CTIF: variants seen among roughly 807,000 people sequenced by gnomAD.
CTIF encodes CBP80/20-dependent translation initiation factor.
In CTIF, 21 loss-of-function variants were observed where a neutral mutation model predicts 66.0. That is an observed-to-expected ratio of 0.32 (90% confidence interval 0.23 to 0.46). CTIF has a LOEUF of 0.46. Among genes scored for constraint, CTIF ranks in the 20% least tolerant of loss-of-function variants. The pLI is 1.00. For missense variants in CTIF, 739 were observed against 812.7 expected (o/e 0.91, Z 1.10); for synonymous variants, 345 against 326.4 (o/e 1.06, Z -0.62).
chr18:48,663,664 GC>G, intron 3 of CTIF, 87 bp from the exon 4 acceptor site: 5 of 1,236,030 alleles, frequency 4.0e-6, no homozygotes, highest in East Asian at 2.3e-5. Flanking sequence ...GCTCACTCCA[GC>G]CCCCCAGCCC....
intron 9 of CTIF, among the ~76,000 whole-genome samples, chr18:48,796,893 G>A (rs1159945187): frequency 6.6e-6 from 1 of 152,210 alleles, no homozygotes; most frequent in Non-Finnish European, 1.5e-5. Flanking sequence ...CTGGGCTGGA[G>A]ATCTACAGTT....
intron 7 of CTIF, among the ~76,000 whole-genome samples, chr18:48,733,888 G>C (rs939910466): frequency 6.6e-6 from 1 of 152,198 alleles, no homozygotes; most frequent in African/African-American, 2.4e-5. Flanking sequence ...CAGTCTCTCA[G>C]GGCTGTCTCA....
At chr18:48,658,538 G>A (rs1021131143) in intron 3 of CTIF, among the ~76,000 whole-genome samples, 10 of 152,016 alleles carry the variant, frequency 6.6e-5, no homozygotes, top group Admixed American at 1.3e-4. Flanking sequence ...TGGTGTGTAC[G>A]TGTGTATATG....
In CTIF at chr18:48,574,371, C is replaced by T. The variant is rs559658778; in HGVS notation, c.-29+35059C>T. 5.6e-4 allele frequency among the ~76,000 whole-genome samples: 86 copies of T among 152,328 alleles called. 1 individual carries two copies. In the South Asian group the frequency reaches 0.018, roughly 32 times the overall value. On this transcript the variant is annotated intron_variant, in intron 1 of 11. Transcript: ENST00000256413. The stretch of plus-strand genomic sequence containing the variant: ...ATTTTTCTCCATAGCCTGCATTATC[C>T]TGTGCATAAAAACGAGTGCATAATA...
chr18:48,743,743 A>G (rs12454567), intron 7 of CTIF, among the ~76,000 whole-genome samples: 13,776 of 152,302 alleles, frequency 0.09, 727 homozygotes, highest in South Asian at 0.19. Flanking sequence ...TGTATTTGAC[A>G]TAAAATAACT....
At chr18:48,565,374 C>A (rs920237965) in intron 1 of CTIF, 1 of 152,160 alleles carries the variant, frequency 6.6e-6, no homozygotes, top group African/African-American at 2.4e-5. Flanking sequence ...AATAACAGCA[C>A]CTGCCACTCA....
rs922425998 is a variant in CTIF at position 48,859,271 on chromosome 18, C to T, written c.1582-73C>T. 2.3e-6 allele frequency: 3 copies of T among 1,284,594 alleles called. No homozygotes were observed. In the Admixed American group the frequency reaches 5.0e-5, roughly 22 times the overall value. 79.6% of individuals were successfully genotyped at this position (1,284,594 alleles called of 1,614,324 possible). ...ACAACCCAGCTATTTCCTATCCCTG[C>T]CCACCTAATCAGGGTGGCCAGTGGG... On this transcript the variant is annotated intron_variant, in intron 11 of 11. Coordinates refer to ENST00000256413, the MANE Select transcript of CTIF (RefSeq NM_014772.3).
intron 3 of CTIF, among the ~76,000 whole-genome samples, chr18:48,648,484 C>CAA (rs1326805041): frequency 6.6e-6 from 1 of 151,324 alleles, no homozygotes; most frequent in African/African-American, 2.4e-5. Context: ...CACACACACA[C>CAA]ACACGCACAC....
intron 1 of CTIF, among the ~76,000 whole-genome samples, chr18:48,589,114 C>G (rs1475207683): frequency 2.0e-5 from 3 of 152,202 alleles, no homozygotes; most frequent in Non-Finnish European, 4.4e-5. Context: ...GTGGCAGGGA[C>G]TCTCATGCCT....
At position 48,683,804 on chromosome 18, in the gene CTIF, C is replaced by G. The variant is rs1316853290; in HGVS notation, c.507+13060C>G. Among the ~76,000 whole-genome samples the G allele has an allele frequency of 2.0e-5, 3 of 152,264 alleles. No homozygotes were observed. The East Asian group carries it at 5.8e-4, about 30-fold the overall frequency. On this transcript the variant is annotated intron_variant, in intron 6 of 11. Transcript: ENST00000256413. ...AGAGGTCTGCCAGCCTGGCCGGGAT[C>G]CAGGGAGGGTAAATGGTGGCTCCTT...
intron 2 of CTIF, among the ~76,000 whole-genome samples, chr18:48,628,910 T>C (rs2090650644): frequency 6.6e-6 from 1 of 152,232 alleles, no homozygotes; most frequent in Non-Finnish European, 1.5e-5. Context: ...CCAGCCAGCC[T>C]TGGGTCCCAC....
At chr18:48,818,094 A>G (rs946986145) in intron 10 of CTIF, among the ~76,000 whole-genome samples, 2 of 152,272 alleles carry the variant, frequency 1.3e-5, no homozygotes, top group African/African-American at 4.8e-5. Flanking sequence ...AGAATGACCA[A>G]GGAACTTTTG....
At chr18:48,753,338 G>A (rs1261553685) in intron 7 of CTIF, among the ~76,000 whole-genome samples, 3 of 152,144 alleles carry the variant, frequency 2.0e-5, no homozygotes, top group East Asian at 1.9e-4. Context: ...AGTTGGGAAC[G>A]ATTATGAAAT....
intron 1 of CTIF, among the ~76,000 whole-genome samples, chr18:48,553,943 G>C (rs569238679): frequency 1.2e-4 from 18 of 152,056 alleles, no homozygotes; most frequent in Non-Finnish European, 2.4e-4. Flanking sequence ...TTACAGGCAT[G>C]AGCCACAAAG....
At position 48,705,426 on chromosome 18, in the gene CTIF, G is replaced by A. The variant is rs2092139225; in HGVS notation, c.508-6193G>A. On this transcript the variant is annotated intron_variant, in intron 6 of 11. Transcript: ENST00000256413. The stretch of plus-strand genomic sequence containing the variant: ...ATAAGGACACCCATCGTTGGATTTA[G>A]GGCCCAACTAAATCCCACAGGACTT... Among the ~76,000 whole-genome samples the A allele has an allele frequency of 2.0e-5, 3 of 152,158 alleles. No homozygotes were observed. The South Asian group carries it at 6.2e-4, about 32-fold the overall frequency.
At chr18:48,854,816 A>G (rs1032861402) in intron 10 of CTIF, among the ~76,000 whole-genome samples, 1 of 152,194 alleles carries the variant, frequency 6.6e-6, no homozygotes, top group Non-Finnish European at 1.5e-5. Context: ...CCATCTACGC[A>G]GGAGGCTGAG....
intron 9 of CTIF, among the ~76,000 whole-genome samples, chr18:48,766,274 A>T (rs925602676): frequency 6.6e-6 from 1 of 152,084 alleles, no homozygotes; most frequent in Admixed American, 6.5e-5. Flanking sequence ...CGTTTCAAAC[A>T]TGCTCCTGGT....
Position 48,754,668 on chromosome 18 carries a change from C to T in CTIF, c.585-3251C>T, listed in dbSNP as rs570439214. Among the ~76,000 whole-genome samples the T allele has an allele frequency of 7.0e-4, 106 of 152,364 alleles. 2 individuals carry two copies. The highest frequency in any genetic ancestry group is 9.1e-4 in the Admixed American group (14 of 15,312). On this transcript the variant is annotated intron_variant, in intron 7 of 11. Transcript: ENST00000256413. ...TAGGAGGGAACACTTGAGGTGGACTCCCTGGCTTCCCTCCCACCTACGGAT... is the reference window on the plus strand; with the variant it reads ...TAGGAGGGAACACTTGAGGTGGACTTCCTGGCTTCCCTCCCACCTACGGAT...
chr18:48,730,956 G>A (rs2092452307), intron 7 of CTIF, among the ~76,000 whole-genome samples: 2 of 152,122 alleles, frequency 1.3e-5, no homozygotes, highest in South Asian at 2.1e-4. Context: ...CTGCTCTGGG[G>A]AAACTCTCCC....
Sources: allele counts gnomAD v4.1 joint callset (sites outside exome capture counted in the v4.1 genomes callset), GRCh38; gene constraint gnomAD v4.1.1; transcripts MANE v1.5; gene names NCBI Gene and HGNC (gene_info 2026-07-23, HGNC 2026-07-21).